Variants in PTBP2 observed in about 807,000 individuals in gnomAD.
PTBP2 encodes polypyrimidine tract binding protein 2.
PTBP2 carries 13 observed loss-of-function variants against 61.4 expected under a neutral mutation model. That is an observed-to-expected ratio of 0.21 (90% CI 0.14 to 0.34). The LOEUF (loss-of-function observed/expected upper bound fraction) is 0.34. Ranked by LOEUF, PTBP2 falls within the 10% of genes least tolerant of loss-of-function variation. The pLI is 1.00. For synonymous variants in PTBP2, 215 were observed against 218.5 expected (o/e 0.98, Z 0.14); for missense variants, 405 against 642.6 (o/e 0.63, Z 4.00).
exon 14 of PTBP2, chr1:96,821,366 T>C (rs554089298): frequency 1.3e-5 from 2 of 152,148 alleles, no homozygotes; most frequent in South Asian, 4.1e-4. Context: ...TTTATATCTA[T>C]TTATAAAGTT....
intron 8 of PTBP2, among the ~76,000 whole-genome samples, chr1:96,794,995 C>G (rs1660228144): frequency 6.6e-6 from 1 of 152,080 alleles, no homozygotes; most frequent in African/African-American, 2.4e-5. Flanking sequence ...TCTTAAACTC[C>G]TTTATGACTG....
At chr1:96,807,011 A>G (rs973442738) in intron 11 of PTBP2, 53 bp downstream of exon 11, 3 of 1,336,216 alleles carry the variant, frequency 2.2e-6, no homozygotes. Context: ...TTTCAAATGC[A>G]TAATGTGAAT....
intron 8 of PTBP2, among the ~76,000 whole-genome samples, chr1:96,791,715 T>C (rs1015512264): frequency 3.9e-5 from 6 of 151,986 alleles, no homozygotes; most frequent in Non-Finnish European, 2.9e-5. Flanking sequence ...GGCTCCACTA[T>C]CAAAATGCTT....
chr1:96,756,193 G>A (rs1457989036), intron 3 of PTBP2, among the ~76,000 whole-genome samples: 1 of 152,232 alleles, frequency 6.6e-6, no homozygotes, highest in African/African-American at 2.4e-5. Flanking sequence ...GAGGTCAGAA[G>A]TTCAAAACCA....
chr1:96,816,464 A>G (rs1338671943), downstream of PTBP2: 1 of 152,050 alleles, frequency 6.6e-6, no homozygotes, highest in Non-Finnish European at 1.5e-5. Flanking sequence ...CAGAAAAATT[A>G]TTTTTTGGTA....
rs192696309 is a variant in PTBP2, at chr1:96,743,013, G to A, written c.40-8412G>A. Among the ~76,000 whole-genome samples the A allele has an allele frequency of 2.8e-3, 423 of 152,162 alleles. 1 individual carries two copies. The highest frequency in any genetic ancestry group is 9.1e-3 in the African/African-American group (379 of 41,512). Reference sequence around the variant, plus strand: ...TACAATTTCCACTTTCTGGCTGGGCGTGGTGGCTCACGCCTGTAATCCCAG... The same window carrying A: ...TACAATTTCCACTTTCTGGCTGGGCATGGTGGCTCACGCCTGTAATCCCAG... On this transcript the variant is annotated intron_variant, in intron 2 of 13. Transcript: ENST00000674951.
intron 3 of PTBP2, among the ~76,000 whole-genome samples, chr1:96,756,226 C>G (rs375029252): frequency 1.3e-5 from 2 of 152,158 alleles, no homozygotes; most frequent in Non-Finnish European, 2.9e-5. Flanking sequence ...TGGAGAAACC[C>G]GATCTCTACT....
chr1:96,732,271 G>A (rs1288297155), intron 2 of PTBP2, among the ~76,000 whole-genome samples: 1 of 152,260 alleles, frequency 6.6e-6, no homozygotes, highest in East Asian at 1.9e-4. Flanking sequence ...CATTATAGAT[G>A]TGTTATTCAA....
intron 8 of PTBP2, among the ~76,000 whole-genome samples, chr1:96,793,957 C>G (rs1207351388): frequency 6.6e-6 from 1 of 152,118 alleles, no homozygotes; most frequent in Non-Finnish European, 1.5e-5. Context: ...AAGCTTATTA[C>G]TATAGGACTA....
At chr1:96,794,999 A>G (rs1291551264) in intron 8 of PTBP2, among the ~76,000 whole-genome samples, 4 of 152,184 alleles carry the variant, frequency 2.6e-5, no homozygotes, top group Non-Finnish European at 5.9e-5. Context: ...AAACTCCTTT[A>G]TGACTGGAAG....
chr1:96,766,277 C>T (rs1324430060), intron 3 of PTBP2, among the ~76,000 whole-genome samples: 5 of 152,202 alleles, frequency 3.3e-5, no homozygotes, highest in Admixed American at 2.0e-4. Context: ...AAATGGTGTG[C>T]TTAAAGATTT....
chr1:96,725,489 C>T (rs955132604), intron 2 of PTBP2, among the ~76,000 whole-genome samples: 4 of 151,708 alleles, frequency 2.6e-5, no homozygotes, highest in Admixed American at 6.6e-5. Context: ...TTAGTAGAGA[C>T]GGGGTTTCAC....
chr1:96,816,911 T>C (rs1241615427), downstream of PTBP2: 1 of 152,166 alleles, frequency 6.6e-6, no homozygotes, highest in African/African-American at 2.4e-5. Context: ...CACAGTAAAC[T>C]TCATTATCCA....
intron 3 of PTBP2, among the ~76,000 whole-genome samples, chr1:96,762,505 C>G (rs1161064676): frequency 7.2e-6 from 1 of 138,478 alleles, no homozygotes; most frequent in African/African-American, 2.7e-5. Context: ...TGACCCCCGC[C>G]ACCTCCCTCC....
At chr1:96,729,983 T>C (rs1651179640) in intron 2 of PTBP2, among the ~76,000 whole-genome samples, 3 of 152,126 alleles carry the variant, frequency 2.0e-5, no homozygotes, top group Admixed American at 2.0e-4. Context: ...CCGCCCTGCC[T>C]CACAAAGTGC....
intron 2 of PTBP2, among the ~76,000 whole-genome samples, chr1:96,739,412 C>T (rs1192012257): frequency 1.3e-5 from 2 of 151,986 alleles, no homozygotes; most frequent in African/African-American, 4.8e-5. Flanking sequence ...AAACCCATCT[C>T]CAGAACTTTT....
At chr1:96,767,618 C>A (rs1408685167) in intron 3 of PTBP2, among the ~76,000 whole-genome samples, 2 of 152,036 alleles carry the variant, frequency 1.3e-5, no homozygotes, top group African/African-American at 4.8e-5. Context: ...AATATGTGTT[C>A]CTTGTTGACT....
rs1234947058 is a variant in PTBP2, at chr1:96,746,891, C to G, written c.40-4534C>G. On this transcript the variant is annotated intron_variant, in intron 2 of 13. Coordinates refer to ENST00000674951, the MANE Select transcript of PTBP2 (RefSeq NM_021190.4). ...CGTCTGTCCCTCCCTCCCTCCCTCC[C>G]TCCCTCCCTCCCTCCCTCCCTCCCT... is the stretch of plus-strand genomic sequence containing the variant. 1.2e-3 allele frequency among the ~76,000 whole-genome samples: 59 copies of G among 51,152 alleles called. 2 individuals are homozygous for G. The East Asian group carries it at 0.024, about 21-fold the overall frequency. 33.6% of individuals were successfully genotyped at this position (51,152 alleles called of 152,430 possible).
At chr1:96,727,997 AT>A (rs1306106271) in intron 2 of PTBP2, among the ~76,000 whole-genome samples, 6 of 150,784 alleles carry the variant, frequency 4.0e-5, no homozygotes, top group Admixed American at 1.3e-4. Flanking sequence ...AATAATAATA[AT>A]TTTTTTTTAG....
Sources: gnomAD v4.1 joint callset for allele counts (sites outside exome capture counted in the v4.1 genomes callset) on GRCh38, gnomAD v4.1.1 for gene constraint, MANE v1.5 for transcripts, NCBI Gene and HGNC (gene_info 2026-07-23, HGNC 2026-07-21) for gene names.